The following ADNP variants were observed in gnomAD, a reference collection of about 807,000 sequenced individuals.
ADNP encodes activity dependent neuroprotector homeobox, also known as activity-dependent neuroprotector homeobox protein.
A neutral mutation model predicts 84.9 loss-of-function variants in ADNP; 4 were observed. That is an observed-to-expected ratio of 0.05 (90% CI 0.02 to 0.11). The LOEUF (loss-of-function observed/expected upper bound fraction) is 0.11. Among genes scored for constraint, ADNP ranks in the 10% least tolerant of loss-of-function variants. The pLI, the probability that ADNP is intolerant of heterozygous loss-of-function variation, is 1.00. For synonymous variants in ADNP, 554 were observed against 468.1 expected (o/e 1.18, Z -2.37); for missense variants, 1,132 against 1,326.0 (o/e 0.85, Z 2.27).
chr20:50,906,814 T>C (rs1006654382), intron 2 of ADNP, among the ~76,000 whole-genome samples: 1 of 152,024 alleles, frequency 6.6e-6, no homozygotes, highest in Non-Finnish European at 1.5e-5. Flanking sequence ...AGAGTTGGTG[T>C]TGGGTTTACT....
chr20:50,918,400 T>C (rs1316319771), intron 2 of ADNP, among the ~76,000 whole-genome samples: 1 of 152,210 alleles, frequency 6.6e-6, no homozygotes, highest in African/African-American at 2.4e-5. Flanking sequence ...TGAAGGTCTA[T>C]ACAAATTTCC....
chr20:50,930,050 G>A (rs1464014797), intron 1 of ADNP, among the ~76,000 whole-genome samples: 1 of 151,920 alleles, frequency 6.6e-6, no homozygotes, highest in Non-Finnish European at 1.5e-5. Context: ...TGGGGGGGAG[G>A]GGAAGGCAGG....
chr20:50,895,446 A>G (rs1290267196), intron 5 of ADNP, among the ~76,000 whole-genome samples: 1 of 152,250 alleles, frequency 6.6e-6, no homozygotes, highest in Non-Finnish European at 1.5e-5. Flanking sequence ...CCATGAACAA[A>G]GCTTACAGGA....
At chr20:50,916,106 AT>A (rs1367657618) in intron 2 of ADNP, among the ~76,000 whole-genome samples, 1 of 152,208 alleles carries the variant, frequency 6.6e-6, no homozygotes, top group Non-Finnish European at 1.5e-5. Context: ...AATTATTTAT[AT>A]TTTTTATAAC....
chr20:50,909,733 A>G (rs1982858846), intron 2 of ADNP: 1 of 152,248 alleles, frequency 6.6e-6, no homozygotes, highest in South Asian at 2.1e-4. Flanking sequence ...GGAAGACAGA[A>G]AGTCACTTTT....
intron 2 of ADNP, among the ~76,000 whole-genome samples, chr20:50,924,327 G>A (rs1984152204): frequency 6.6e-6 from 1 of 152,188 alleles, no homozygotes; most frequent in South Asian, 2.1e-4. Flanking sequence ...TCTCCCTGCT[G>A]GGGGTGTGGC....
At chr20:50,903,819 T>TG in intron 4 of ADNP, 70 bp downstream of exon 4, 1 of 1,156,528 alleles carries the variant, frequency 8.6e-7, no homozygotes, top group Non-Finnish European at 1.3e-6. Context: ...TTAGCCATCT[T>TG]GGCCACTGAC....
chr20:50,891,794 T>G lies in ADNP; in HGVS notation c.2920A>C (p.Ser974Arg). 1 of 1,614,168 alleles carries G rather than the reference T, an allele frequency of 6.2e-7. No homozygotes were observed. Among genetic ancestry groups the G allele is most frequent in the Non-Finnish European group, 8.5e-7 (1 of 1,180,010 alleles). Reference sequence around the variant, plus strand: ...GACACTTGTTGGGATCCAGGCCCACTCTCAGATGGAGAAGCACCGTCTTTC... The same window carrying G: ...GACACTTGTTGGGATCCAGGCCCACGCTCAGATGGAGAAGCACCGTCTTTC... ...EWKDGASPSESGPGSQQVSDF... is the reference protein window; with the variant it reads ...EWKDGASPSERGPGSQQVSDF... Residue 974 changes from serine (S) to arginine (R), a missense_variant, in exon 6 of 6, where the codon AGT (serine) becomes CGT (arginine). Coordinates refer to ENST00000621696, the MANE Select transcript of ADNP (RefSeq NM_001282531.3).
intron 4 of ADNP, among the ~76,000 whole-genome samples, chr20:50,903,661 G>C (rs527434894): frequency 8.5e-5 from 13 of 152,182 alleles, no homozygotes; most frequent in Non-Finnish European, 1.5e-4. Context: ...TTCAACGCCT[G>C]ACATGCTTAA....
chr20:50,921,592 G>C (rs137858512), intron 2 of ADNP, among the ~76,000 whole-genome samples: 3 of 152,166 alleles, frequency 2.0e-5, no homozygotes, highest in Non-Finnish European at 4.4e-5. Context: ...GATACTTTCC[G>C]TATTCAGATT....
At chr20:50,919,800 G>A (rs1357980159) in intron 2 of ADNP, among the ~76,000 whole-genome samples, 1 of 152,130 alleles carries the variant, frequency 6.6e-6, no homozygotes, top group Non-Finnish European at 1.5e-5. Context: ...CAACTCCACT[G>A]AGTCAGAATG....
chr20:50,904,051 A>G (rs1181919867), intron 3 of ADNP, 50 bp from the exon 4 acceptor site: 2 of 1,354,094 alleles, frequency 1.5e-6, no homozygotes, highest in Non-Finnish European at 2.1e-6. Flanking sequence ...ACAACTTGTA[A>G]TATTTACTAA....
Position 50,889,529 on chromosome 20 carries a change from G to A in ADNP, c.*1876C>T, listed in dbSNP as rs536151135. The A allele has an allele frequency of 4.7e-6, 1 of 212,276 alleles. No individual in the cohort carries two copies. Among genetic ancestry groups the A allele is most frequent in the East Asian group, 9.5e-5 (1 of 10,498 alleles). The allele number at this position is 212,276 out of a possible 1,614,324, so 13.1% of individuals were successfully genotyped here. A position where few individuals can be genotyped will look rare whatever the true frequency, so the allele number is the denominator to read the frequency against. On this transcript the variant is annotated 3_prime_UTR_variant, in exon 6 of 6. Transcript: ENST00000621696. ...TTGCACTTCTTCCTGTACTGTTGTTGAGAAGCTTACATTTTAGGGAGAGGC... is the reference window on the plus strand; with the variant it reads ...TTGCACTTCTTCCTGTACTGTTGTTAAGAAGCTTACATTTTAGGGAGAGGC...
intron 2 of ADNP, among the ~76,000 whole-genome samples, chr20:50,911,054 C>T (rs1046595542): frequency 6.6e-6 from 1 of 152,204 alleles, no homozygotes; most frequent in African/African-American, 2.4e-5. Flanking sequence ...AGGGCCCAAA[C>T]ATTAACGTTT....
At position 50,894,287 on chromosome 20, in the gene ADNP, A is replaced by G. The variant is rs1387834080; in HGVS notation, c.427T>C (p.Phe143Leu). 6.2e-7 allele frequency: 1 copy of G among 1,613,642 alleles called. No homozygotes were observed. The highest frequency in any genetic ancestry group is 8.5e-7 in the Non-Finnish European group (1 of 1,179,836). The change falls in exon 6 of 6, where the codon TTC becomes CTC. Residue 143 changes from phenylalanine (F) to leucine (L), a missense_variant. Physicochemically the swap from Phe to Leu is conservative, Grantham distance 22. This residue lies in a region of ADNP where 130 missense variants were observed against 183.7 expected (regional missense o/e 0.71). Coordinates refer to ENST00000621696, the MANE Select transcript of ADNP (RefSeq NM_001282531.3). ...ASAPSSSLST[F>L]KDKNKNDGLK... is the part of the protein sequence containing the mutation. ...CCATCATTTTTGTTTTTATCTTTGA[A>G]AGTGCTGAGGCTGCTACTTGGTGCG...
chr20:50,929,587 T>G (rs1184282255), intron 1 of ADNP, among the ~76,000 whole-genome samples: 1 of 152,184 alleles, frequency 6.6e-6, no homozygotes, highest in Non-Finnish European at 1.5e-5. Context: ...CCCTACTGAC[T>G]CCAACACTCA....
At position 50,893,814 on chromosome 20, in the gene ADNP, T is replaced by C; in HGVS notation, c.900A>G (p.Ser300=). Residue 300 remains serine, a synonymous_variant, in exon 6 of 6, where the codon TCA becomes TCG. Transcript: ENST00000621696. This position sits in a 1 kb window ranked among gnomAD's most constrained non-coding sequence, Gnocchi z 4.4. Reference sequence around the variant, plus strand: ...TTGAGAGTCGATTCACCATCTGCTGTGATGGTAAAGACCGGACATTTCCAG... The same window carrying C: ...TTGAGAGTCGATTCACCATCTGCTGCGATGGTAAAGACCGGACATTTCCAG... The part of the protein sequence containing the change: ...LASGNVRSLP[S]QQMVNRLSIP... 2 of 1,614,162 alleles carry C rather than the reference T, an allele frequency of 1.2e-6. No homozygotes were observed. The highest frequency in any genetic ancestry group is 1.1e-5 in the South Asian group (1 of 91,080).
At chr20:50,895,922 A>G (rs981291542) in intron 5 of ADNP, among the ~76,000 whole-genome samples, 1 of 152,176 alleles carries the variant, frequency 6.6e-6, no homozygotes, top group Non-Finnish European at 1.5e-5. Flanking sequence ...AGTAATACTT[A>G]GCTTAAAACA....
intron 2 of ADNP, chr20:50,914,215 TC>T: frequency 2.6e-6 from 2 of 760,024 alleles, no homozygotes; most frequent in Admixed American, 2.0e-5. Flanking sequence ...CTACAAAGCA[TC>T]CACAATCATC....
Sources: gnomAD v4.1 joint callset for allele counts (sites outside exome capture counted in the v4.1 genomes callset) on GRCh38, gnomAD v4.1.1 for gene constraint, gnomAD v4.1.1 regional missense constraint, Gnocchi (gnomAD v3.1) non-coding constraint, MANE v1.5 for transcripts, NCBI Gene and HGNC (gene_info 2026-07-23, HGNC 2026-07-21) for gene names.